RCAN1: variants seen among roughly 807,000 people sequenced by gnomAD.
RCAN1 encodes the protein regulator of calcineurin 1, also known as calcipressin-1.
A neutral mutation model predicts 22.9 loss-of-function variants in RCAN1; 11 were observed. The ratio of observed to expected loss-of-function variants is 0.48; its 90% confidence interval spans 0.30 to 0.79. RCAN1 has a LOEUF of 0.79. Ranked by LOEUF, RCAN1 falls within the 30% of genes least tolerant of loss-of-function variation. The pLI is 0.06. For synonymous variants in RCAN1, 136 were observed against 142.3 expected (o/e 0.96, Z 0.32); for missense variants, 291 against 337.8 (o/e 0.86, Z 1.09).
In RCAN1 at chr21:34,572,062, G is replaced by A. The variant is rs146297466; in HGVS notation, c.252+42698C>T. Among the ~76,000 whole-genome samples the A allele has an allele frequency of 2.4e-3, 369 of 152,218 alleles. 2 individuals carry two copies. The highest frequency in any genetic ancestry group is 8.6e-3 in the African/African-American group (357 of 41,506). On this transcript the variant is annotated intron_variant, in intron 1 of 3. Transcript: ENST00000313806. ...CACAGTACCCAGTTGTTCCAAAGAC[G>A]GTAGGATGGAAAATCTGCAGAATTC...
Position 34,614,926 on chromosome 21 carries a change from G to A in RCAN1, c.86C>T (p.Thr29Met), listed in dbSNP as rs1473234498. The A allele has an allele frequency of 7.3e-7, 1 of 1,374,838 alleles. No individual in the cohort carries two copies. The highest frequency in any genetic ancestry group is 9.5e-7 in the Non-Finnish European group (1 of 1,053,936). 85.2% of individuals were successfully genotyped at this position (1,374,838 alleles called of 1,614,324 possible). ...CGAGAGGGGCGCGAAGGGCCGCAGC[G>A]TCACCCCGGGCCGCGCTCGCGCCTC... ...AAEARARPGV[T>M]LRPFAPLSGA... The change falls in exon 1 of 4, where the codon ACG becomes ATG. Residue 29 changes from threonine (T) to methionine (M), a missense_variant. Transcript: ENST00000313806. The surrounding 1 kb of genome is among the most constrained non-coding windows in gnomAD (Gnocchi z 6.0).
chr21:34,530,629 T>TG (rs72255757), intron 1 of RCAN1, among the ~76,000 whole-genome samples: 55 of 116,874 alleles, frequency 4.7e-4, no homozygotes, highest in South Asian at 5.4e-4. Flanking sequence ...TTTTTTTTTT[T>TG]TTTTTTTTTT....
At chr21:34,592,116 C>A (rs572259122) in intron 1 of RCAN1, among the ~76,000 whole-genome samples, 1 of 152,142 alleles carries the variant, frequency 6.6e-6, no homozygotes, top group Non-Finnish European at 1.5e-5. Context: ...CTTAGACAGA[C>A]GAAAGAAAAA....
chr21:34,558,991 T>C (rs894283962), intron 1 of RCAN1, among the ~76,000 whole-genome samples: 1 of 152,226 alleles, frequency 6.6e-6, no homozygotes, highest in South Asian at 2.1e-4. Flanking sequence ...TTAATATCTA[T>C]GCTAATGGAA....
At chr21:34,563,764 A>AT (rs1361853783) in intron 1 of RCAN1, among the ~76,000 whole-genome samples, 14 of 92,694 alleles carry the variant, frequency 1.5e-4, no homozygotes, top group African/African-American at 4.9e-4. Flanking sequence ...CAAAAAAAAA[A>AT]AAAAAAATAT....
intron 1 of RCAN1, among the ~76,000 whole-genome samples, chr21:34,606,253 C>A (rs1242880544): frequency 6.6e-6 from 1 of 152,210 alleles, no homozygotes; most frequent in Non-Finnish European, 1.5e-5. Context: ...ATAGGCCCCT[C>A]CAGCGCAACC....
At chr21:34,610,944 A>C (rs1988671594) in intron 1 of RCAN1, among the ~76,000 whole-genome samples, 1 of 152,142 alleles carries the variant, frequency 6.6e-6, no homozygotes, top group Admixed American at 6.5e-5. Flanking sequence ...GAAAAGAGTA[A>C]ATTTTTCTAT....
At chr21:34,613,720 C>A in intron 1 of RCAN1, 1 of 1,448,886 alleles carries the variant, frequency 6.9e-7, no homozygotes. Flanking sequence ...CTTACCTAAG[C>A]ACACGGCCAT....
intron 3 of RCAN1, among the ~76,000 whole-genome samples, chr21:34,519,002 C>A (rs1021379951): frequency 3.9e-5 from 6 of 152,188 alleles, no homozygotes; most frequent in Non-Finnish European, 7.3e-5. Context: ...GAAGAGTGTG[C>A]ATCTCTGGTG....
At chr21:34,598,501 A>G (rs1184483064) in intron 1 of RCAN1, among the ~76,000 whole-genome samples, 2 of 152,246 alleles carry the variant, frequency 1.3e-5, no homozygotes, top group East Asian at 3.8e-4. Flanking sequence ...CATGCAAACG[A>G]GAAAACCAGA....
At chr21:34,601,856 C>T (rs1296955137) in intron 1 of RCAN1, among the ~76,000 whole-genome samples, 2 of 150,462 alleles carry the variant, frequency 1.3e-5, no homozygotes, top group African/African-American at 4.9e-5. Context: ...ATGCTGTCCA[C>T]ATTCAGGATT....
At chr21:34,551,001 C>T (rs533769477) in intron 1 of RCAN1, among the ~76,000 whole-genome samples, 1 of 152,306 alleles carries the variant, frequency 6.6e-6, no homozygotes, top group South Asian at 2.1e-4. Context: ...CAACTCAATG[C>T]ACATAACTCA....
At chr21:34,607,779 T>A (rs1403717702) in intron 1 of RCAN1, among the ~76,000 whole-genome samples, 1 of 152,200 alleles carries the variant, frequency 6.6e-6, no homozygotes, top group African/African-American at 2.4e-5. Context: ...AGGCAGCCTA[T>A]AGCAGGGATC....
At chr21:34,560,932 T>C (rs1986766788) in intron 1 of RCAN1, among the ~76,000 whole-genome samples, 1 of 152,196 alleles carries the variant, frequency 6.6e-6, no homozygotes, top group Non-Finnish European at 1.5e-5. Context: ...TCACCATGAA[T>C]TGTAATCTCG....
At chr21:34,547,380 C>T (rs1986191751) in intron 1 of RCAN1, among the ~76,000 whole-genome samples, 1 of 152,194 alleles carries the variant, frequency 6.6e-6, no homozygotes, top group Non-Finnish European at 1.5e-5. Flanking sequence ...CCCCAGGAAA[C>T]ACACAATTTT....
At chr21:34,560,403 T>C (rs1986746269) in intron 1 of RCAN1, among the ~76,000 whole-genome samples, 1 of 152,192 alleles carries the variant, frequency 6.6e-6, no homozygotes, top group African/African-American at 2.4e-5. Flanking sequence ...TACTTTATCA[T>C]TTTTCCATCT....
intron 1 of RCAN1, among the ~76,000 whole-genome samples, chr21:34,605,732 C>A (rs1988503288): frequency 6.6e-6 from 1 of 151,648 alleles, no homozygotes; most frequent in Admixed American, 6.6e-5. Context: ...CCAACCTGGC[C>A]AACATGGTGA....
Position 34,577,340 on chromosome 21 carries a change from A to G in RCAN1, c.252+37420T>C, listed in dbSNP as rs148737340. Among the ~76,000 whole-genome samples the G allele has an allele frequency of 6.7e-3, 1,018 of 152,236 alleles. 7 individuals are homozygous for G. The highest frequency in any genetic ancestry group is 0.018 in the African/African-American group (734 of 41,560). On this transcript the variant is annotated intron_variant, in intron 1 of 3. Coordinates refer to ENST00000313806, the MANE Select transcript of RCAN1 (RefSeq NM_004414.7). ...GGGCCAGTCATGGTGGCACGTGCCT[A>G]TAATCCCAGCACTTTGAGAGGTGGA...
At chr21:34,590,061 G>A (rs73353706) in intron 1 of RCAN1, among the ~76,000 whole-genome samples, 6,163 of 152,198 alleles carry the variant, frequency 0.04, 350 homozygotes, top group African/African-American at 0.12. Flanking sequence ...GTTCACACTG[G>A]CTTCCTGTGT....
Sources: gnomAD v4.1 joint callset for allele counts (sites outside exome capture counted in the v4.1 genomes callset) on GRCh38, gnomAD v4.1.1 for gene constraint, Gnocchi (gnomAD v3.1) non-coding constraint, MANE v1.5 for transcripts, NCBI Gene and HGNC (gene_info 2026-07-23, HGNC 2026-07-21) for gene names.